Variants in EXOC4 observed in about 807,000 individuals in gnomAD.
The protein encoded by EXOC4 is exocyst complex component 4.
In EXOC4, 71 loss-of-function variants were observed where a neutral mutation model predicts 107.2. The observed-to-expected ratio is 0.66, with a 90% CI of 0.55 to 0.81. The LOEUF (loss-of-function observed/expected upper bound fraction) is 0.81. Among genes scored for constraint, EXOC4 ranks in the 30% least tolerant of loss-of-function variants. EXOC4 has a pLI of 0.00. For missense variants in EXOC4, 1,108 were observed against 1,189.6 expected (o/e 0.93, Z 1.01); for synonymous variants, 456 against 441.2 (o/e 1.03, Z -0.42).
At chr7:133,322,573 C>T (rs904467985) in intron 5 of EXOC4, among the ~76,000 whole-genome samples, 1 of 152,132 alleles carries the variant, frequency 6.6e-6, no homozygotes, top group African/African-American at 2.4e-5. Context: ...TTCCATTCTT[C>T]TGTATATCTG....
chr7:133,515,450 A>G (rs1278192127), intron 9 of EXOC4, among the ~76,000 whole-genome samples: 1 of 152,006 alleles, frequency 6.6e-6, no homozygotes, highest in Non-Finnish European at 1.5e-5. Context: ...TGTGTATTTT[A>G]CATATACATA....
At chr7:133,624,338 A>G (rs1351324784) in intron 9 of EXOC4, among the ~76,000 whole-genome samples, 1 of 152,196 alleles carries the variant, frequency 6.6e-6, no homozygotes, top group African/African-American at 2.4e-5. Flanking sequence ...ACTCCCTACT[A>G]CTTTGGGAGG....
At chr7:133,874,347 G>A (rs1798807041) in intron 11 of EXOC4, among the ~76,000 whole-genome samples, 1 of 152,118 alleles carries the variant, frequency 6.6e-6, no homozygotes, top group South Asian at 2.1e-4. Context: ...TAGAATGCTG[G>A]GTTCGCAACA....
chr7:133,562,360 G>C lies in EXOC4; in HGVS notation c.1418-67685G>C, dbSNP rs149685557. 2.6e-3 allele frequency among the ~76,000 whole-genome samples: 401 copies of C among 152,232 alleles called. 1 individual carries two copies. The highest frequency in any genetic ancestry group is 9.4e-3 in the African/African-American group (389 of 41,532). ...TGACCTCTGGATTAGGGTTCTCATG[G>C]TGTTGCTCTGGTTCCTGGTTTCTGC... On this transcript the variant is annotated intron_variant, in intron 9 of 17. Coordinates refer to ENST00000253861, the MANE Select transcript of EXOC4 (RefSeq NM_021807.4).
At chr7:133,466,549 T>G (rs1435124851) in intron 7 of EXOC4, among the ~76,000 whole-genome samples, 2 of 152,136 alleles carry the variant, frequency 1.3e-5, no homozygotes, top group African/African-American at 4.8e-5. Flanking sequence ...ACAAATAAAT[T>G]AGTAATTAAA....
chr7:133,471,990 C>T (rs928834648), intron 7 of EXOC4, among the ~76,000 whole-genome samples: 1 of 152,112 alleles, frequency 6.6e-6, no homozygotes, highest in African/African-American at 2.4e-5. Context: ...TGGAATTATT[C>T]TTGGAAGTAT....
chr7:133,359,202 G>A (rs1313192329), intron 6 of EXOC4, among the ~76,000 whole-genome samples: 2 of 152,180 alleles, frequency 1.3e-5, no homozygotes, highest in African/African-American at 4.8e-5. Context: ...TTTTGAGCTA[G>A]TCTCTAGTGG....
At chr7:133,996,686 C>T (rs184120889) in intron 14 of EXOC4, among the ~76,000 whole-genome samples, 1 of 152,220 alleles carries the variant, frequency 6.6e-6, no homozygotes, top group East Asian at 1.9e-4. Context: ...TGTAAAGCGT[C>T]ATGGCATCTA....
At chr7:133,823,578 G>T (rs1319391028) in intron 11 of EXOC4, among the ~76,000 whole-genome samples, 1 of 151,610 alleles carries the variant, frequency 6.6e-6, no homozygotes, top group Non-Finnish European at 1.5e-5. Flanking sequence ...ACTTTGGGAG[G>T]CCGAGGCGGA....
chr7:133,810,657 G>A (rs1426616600), intron 10 of EXOC4, among the ~76,000 whole-genome samples: 1 of 127,104 alleles, frequency 7.9e-6, no homozygotes, highest in Admixed American at 7.4e-5. Flanking sequence ...TTTTTAGATG[G>A]AGTCTTGCTG....
At chr7:133,273,725 C>T (rs1347387496) in intron 1 of EXOC4, among the ~76,000 whole-genome samples, 1 of 152,130 alleles carries the variant, frequency 6.6e-6, no homozygotes, top group East Asian at 1.9e-4. Flanking sequence ...CAGTTCAGAG[C>T]AGACTATTGT....
rs200635845 is a variant in EXOC4, at chr7:134,057,376, C to A, written c.2688-6915C>A. 6.1e-5 allele frequency among the ~76,000 whole-genome samples: 9 copies of A among 148,536 alleles called. No homozygotes were observed. The South Asian group carries it at 1.5e-3, about 24-fold the overall frequency. Reference sequence around the variant, plus strand: ...CGTTGTGAGAAGTGTAAAAAAAAAACAAAAAACTGTCCTGATACAGAATAT... The same window carrying A: ...CGTTGTGAGAAGTGTAAAAAAAAAAAAAAAAACTGTCCTGATACAGAATAT... On this transcript the variant is annotated intron_variant, in intron 17 of 17. Transcript: ENST00000253861.
intron 17 of EXOC4, among the ~76,000 whole-genome samples, chr7:134,038,916 G>A (rs1347569606): frequency 1.3e-5 from 2 of 152,184 alleles, no homozygotes. Flanking sequence ...CAGTCTCAAA[G>A]CACTCCAAAT....
intron 3 of EXOC4, among the ~76,000 whole-genome samples, chr7:133,289,856 AG>A (rs952500840): frequency 1.3e-5 from 2 of 152,178 alleles, no homozygotes; most frequent in African/African-American, 4.8e-5. Flanking sequence ...TGGTTAAGGA[AG>A]CTCTCTATAG....
chr7:133,594,104 A>G (rs996998616), intron 9 of EXOC4, among the ~76,000 whole-genome samples: 5 of 152,188 alleles, frequency 3.3e-5, no homozygotes, highest in African/African-American at 1.2e-4. Context: ...TGTTAAGATG[A>G]ACTGAGACAG....
At chr7:133,720,761 A>G (rs1371067223) in intron 10 of EXOC4, among the ~76,000 whole-genome samples, 2 of 152,190 alleles carry the variant, frequency 1.3e-5, no homozygotes, top group Non-Finnish European at 2.9e-5. Flanking sequence ...AAGAGAAGAT[A>G]GACTATTTGG....
At chr7:133,276,705 G>A (rs912789508) in intron 2 of EXOC4, among the ~76,000 whole-genome samples, 8 of 152,156 alleles carry the variant, frequency 5.3e-5, no homozygotes, top group African/African-American at 1.9e-4. Context: ...AAAATTCACT[G>A]CCCTGTGCTA....
the EXOC4 span, among the ~76,000 whole-genome samples, chr7:134,072,604 C>A: frequency 2.0e-5 from 3 of 152,086 alleles, no homozygotes; most frequent in African/African-American, 4.8e-5. Flanking sequence ...TTAAACTGTT[C>A]GCTATGCTAA....
At chr7:133,456,587 A>G (rs1798467884) in intron 7 of EXOC4, among the ~76,000 whole-genome samples, 1 of 152,188 alleles carries the variant, frequency 6.6e-6, no homozygotes. Flanking sequence ...TCATGAATTG[A>G]ACTCTGCAAA....
Sources: allele counts gnomAD v4.1 joint callset (sites outside exome capture counted in the v4.1 genomes callset), GRCh38; gene constraint gnomAD v4.1.1; transcripts MANE v1.5; gene names NCBI Gene and HGNC (gene_info 2026-07-23, HGNC 2026-07-21).